Variants in CPAMD8 observed in about 807,000 individuals in gnomAD.
CPAMD8 encodes the protein C3 and PZP-like alpha-2-macroglobulin domain-containing protein 8.
Under a neutral mutation model 224.7 loss-of-function variants are expected in CPAMD8, and 146 were observed. The observed-to-expected ratio is 0.65, with a 90% CI of 0.57 to 0.75. The LOEUF (loss-of-function observed/expected upper bound fraction) is 0.75. Ranked by LOEUF, CPAMD8 falls within the 30% of genes least tolerant of loss-of-function variation. CPAMD8 has a pLI of 0.00. For synonymous variants in CPAMD8, 966 were observed against 1,044.6 expected, an observed-to-expected ratio of 0.92 and a Z score of 1.45; for missense variants, 2,301 against 2,537.5, an observed-to-expected ratio of 0.91 and a Z score of 2.00.
intron 20 of CPAMD8, among the ~76,000 whole-genome samples, chr19:16,951,718 G>T (rs150208416): frequency 6.6e-6 from 1 of 152,000 alleles, no homozygotes; most frequent in South Asian, 2.1e-4. Context: ...CTCCTCACCC[G>T]GCTTTGACGG....
chr19:16,898,605 TCACTCCC>T lies in CPAMD8; in HGVS notation c.4849-618_4849-612del, dbSNP rs2052128707. Among the ~76,000 whole-genome samples, 1 of 151,996 alleles carries T rather than the reference TCACTCCC, an allele frequency of 6.6e-6. No homozygotes were observed. The highest frequency in any genetic ancestry group is 1.5e-5 in the Non-Finnish European group (1 of 67,976). ...AAAGAAACCCCATCGCCATCAGCAC[TCACTCCC>T]CACTCCCCCAGCCCCTGGCAACCAC... On this transcript the variant is annotated intron_variant, in intron 37 of 41. Transcript: ENST00000443236. The surrounding 1 kb of genome is among the most constrained non-coding windows in gnomAD (Gnocchi z 4.2).
chr19:16,940,588 A>G (rs1383929971), intron 22 of CPAMD8, among the ~76,000 whole-genome samples: 1 of 152,146 alleles, frequency 6.6e-6, no homozygotes, highest in Non-Finnish European at 1.5e-5. Context: ...ACCTACTTTC[A>G]TTACAAAGCT....
At chr19:17,015,564 C>T (rs578188301) in intron 3 of CPAMD8, among the ~76,000 whole-genome samples, 5 of 152,292 alleles carry the variant, frequency 3.3e-5, no homozygotes, top group South Asian at 4.1e-4. Context: ...CTACCTGCCA[C>T]CCGCAGGACC....
At position 16,903,757 on chromosome 19, in the gene CPAMD8, T is replaced by C; in HGVS notation, c.4352A>G (p.Tyr1451Cys). 6.2e-7 allele frequency: 1 copy of C among 1,614,108 alleles called. No individual in the cohort carries two copies. Among genetic ancestry groups the C allele is most frequent in the South Asian group, 1.1e-5 (1 of 91,078 alleles). The change falls in exon 33 of 42, where the codon TAC (tyrosine) becomes TGC (cysteine). Residue 1451 changes from tyrosine to cysteine, a missense_variant. Tyr to Cys is a radical substitution (Grantham distance 194). Around this residue, in one of 4 missense-constraint regions of CPAMD8, gnomAD observed 1,709 missense variants for 1,753.2 expected, o/e 0.97. Transcript: ENST00000443236. The part of the protein sequence containing the change: ...TVSLASTNLD[Y>C]QETFELHRTN... ...CCTGTGCAGCTCGAAGGTTTCCTGG[T>C]AGTCCAGGTTGGTGGAGGCCAGGGA...
Position 16,896,461 on chromosome 19 carries a change from G to A in CPAMD8, c.5270C>T (p.Ala1757Val). Residue 1757 changes from alanine (A) to valine (V), a missense_variant, in exon 40 of 42, where the codon GCC becomes GTC. Ala to Val is a moderately conservative substitution (Grantham distance 64). This residue lies in a region of CPAMD8 where 1,709 missense variants were observed against 1,753.2 expected (regional missense o/e 0.97). Coordinates refer to ENST00000443236, the MANE Select transcript of CPAMD8 (RefSeq NM_015692.5). ...GCGGGGGGTAGGGTCCTCACCGAGG[G>A]CGCAGCAGCTGGGAGGCGCGGGCTC... is the stretch of plus-strand genomic sequence containing the variant. ...PLEPAPPSCCALEQRLPASSS... is the reference protein window; with the variant it reads ...PLEPAPPSCCVLEQRLPASSS... The A allele has an allele frequency of 6.9e-7, 1 of 1,447,972 alleles. No homozygotes were observed. The highest frequency in any genetic ancestry group is 9.0e-7 in the Non-Finnish European group (1 of 1,107,986). 89.7% of individuals were successfully genotyped at this position (1,447,972 alleles called of 1,614,324 possible).
chr19:16,931,303 C>T (rs2053538915), intron 23 of CPAMD8, among the ~76,000 whole-genome samples: 1 of 152,206 alleles, frequency 6.6e-6, no homozygotes, highest in South Asian at 2.1e-4. Flanking sequence ...GGCCTTGAGA[C>T]TCCCAGCCTA....
chr19:16,997,663 C>T (rs1455428483), intron 10 of CPAMD8, among the ~76,000 whole-genome samples: 1 of 151,924 alleles, frequency 6.6e-6, no homozygotes, highest in East Asian at 1.9e-4. Flanking sequence ...TCAGTCTAGC[C>T]AACATGGCGA....
intron 15 of CPAMD8, among the ~76,000 whole-genome samples, chr19:16,976,619 G>A (rs1029173479): frequency 3.9e-5 from 6 of 152,162 alleles, no homozygotes; most frequent in African/African-American, 1.4e-4. Context: ...CGCTACCTGG[G>A]TGAAACTGGT....
chr19:16,993,407 C>G lies in CPAMD8; in HGVS notation c.1266+9G>C. ...GGCTGAATAACAAGGGTCCACGGGA[C>G]TCACCCACCTCCAGCCACACGTGCT... is the stretch of plus-strand genomic sequence containing the variant. On this transcript the variant is annotated intron_variant, in intron 12 of 41. Transcript: ENST00000443236. 6.2e-7 allele frequency: 1 copy of G among 1,610,154 alleles called. No individual in the cohort carries two copies. Among genetic ancestry groups the G allele is most frequent in the African/African-American group, 1.3e-5 (1 of 74,974 alleles).
rs1234420210 is a variant in CPAMD8, at chr19:16,896,525, G to A, written c.5206C>T (p.Arg1736Cys). Residue 1736 changes from arginine to cysteine, a missense_variant, in exon 40 of 42, where the codon CGC becomes TGC. Physicochemically the swap from Arg to Cys is radical, Grantham distance 180. Transcript: ENST00000443236. ...SDGVVYASAC[R>C]LREAACRQAA... is the part of the protein sequence containing the mutation. ...TGGCGGCAGGCGGCCTCCCGCAGGC[G>A]GCAGGCGCTGGCGTAGACCACCCCG... is the stretch of plus-strand genomic sequence containing the variant. 5.5e-6 allele frequency: 8 copies of A among 1,443,784 alleles called. No individual in the cohort carries two copies. Among genetic ancestry groups the A allele is most frequent in the Admixed American group, 2.9e-5 (1 of 34,678 alleles). 89.4% of individuals were successfully genotyped at this position (1,443,784 alleles called of 1,614,324 possible).
At chr19:16,933,921 G>A (rs1312494693) in intron 23 of CPAMD8, among the ~76,000 whole-genome samples, 1 of 152,108 alleles carries the variant, frequency 6.6e-6, no homozygotes, top group Non-Finnish European at 1.5e-5. Context: ...CTCCCAAACT[G>A]GAAACAGCTT....
At chr19:16,894,921 A>AACACAC (rs3032709) in intron 41 of CPAMD8, 9,630 of 151,570 alleles carry the variant, frequency 0.064, 390 homozygotes, top group African/African-American at 0.1. Flanking sequence ...CCATCTCTAC[A>AACACAC]ACACACACAC....
intron 13 of CPAMD8, among the ~76,000 whole-genome samples, chr19:16,981,797 A>G (rs1234423010): frequency 6.6e-6 from 1 of 152,154 alleles, no homozygotes; most frequent in Admixed American, 6.5e-5. Context: ...GAAGAGTGAC[A>G]TTCTTGCCGT....
chr19:16,899,685 G>A lies in CPAMD8; in HGVS notation c.4774-136C>T. On this transcript the variant is annotated intron_variant, in intron 36 of 41. Coordinates refer to ENST00000443236, the MANE Select transcript of CPAMD8 (RefSeq NM_015692.5). This position sits in a 1 kb window ranked among gnomAD's most constrained non-coding sequence, Gnocchi z 5.4. ...GGCTGGGGTCTGGGTGCTGGTCAGT[G>A]CTCCCCAGGCCCTGCCAGCCTCTCA... 3 of 631,460 alleles carry A rather than the reference G, an allele frequency of 4.8e-6. No individual in the cohort carries two copies. Among genetic ancestry groups the A allele is most frequent in the Non-Finnish European group, 8.7e-6 (3 of 343,784 alleles). The allele number at this position is 631,460 out of a possible 1,614,324, so 39.1% of individuals were successfully genotyped here.
At chr19:16,989,605 C>T in intron 13 of CPAMD8, 38 bp downstream of exon 13, 2 of 1,598,580 alleles carry the variant, frequency 1.3e-6, no homozygotes, top group South Asian at 1.1e-5. Flanking sequence ...TTTTTGGATC[C>T]CGCATGGCCC....
rs1415942930 is a variant in CPAMD8, at chr19:17,026,635, C to T, written c.8G>A (p.Gly3Asp). ...CGGGAGCAACGGCCAGAGCAGGGCG[C>T]CGCTCATTTTTCGGCTCCTGGGGGG... MS[G>D]ALLWPLLPLL... The change falls in exon 1 of 42, where the codon GGC becomes GAC. Residue 3 changes from glycine (G) to aspartate (D), a missense_variant. Physicochemically the swap from Gly to Asp is moderately conservative, Grantham distance 94. Coordinates refer to ENST00000443236, the MANE Select transcript of CPAMD8 (RefSeq NM_015692.5). 2 of 1,457,976 alleles carry T rather than the reference C, an allele frequency of 1.4e-6. No individual in the cohort carries two copies. Among genetic ancestry groups the T allele is most frequent in the East Asian group, 5.9e-5 (2 of 33,750 alleles). The allele number at this position is 1,457,976 out of a possible 1,614,324, so 90.3% of individuals were successfully genotyped here.
In CPAMD8 at chr19:16,914,523, C is replaced by T. The variant is rs767178412; in HGVS notation, c.3787-25G>A. The T allele has an allele frequency of 2.5e-6, 4 of 1,613,100 alleles. No homozygotes were observed. In the East Asian group the frequency reaches 6.7e-5, roughly 27 times the overall value. ...CCTGCAAGGGGACTCACAGGCCTCA[C>T]CCTAAGCCAAAGGAGACAGTCCACT... On this transcript the variant is annotated intron_variant, in intron 28 of 41. Transcript: ENST00000443236.
chr19:17,022,381 A>G lies in CPAMD8; in HGVS notation c.93-200T>C, dbSNP rs76598107. On this transcript the variant is annotated intron_variant, in intron 1 of 41. Transcript: ENST00000443236. ...TGGCTCTTTCACCTGTGAAGTCCCC[A>G]TGCTGGGTAAGAATCTGGCCTCACT... Among the ~76,000 whole-genome samples the G allele has an allele frequency of 0.11, 17,320 of 152,066 alleles. 1,247 individuals are homozygous for G. The highest frequency in any genetic ancestry group is 0.12 in the Non-Finnish European group (8,404 of 67,974).
Position 16,898,263 on chromosome 19 carries a change from G to T in CPAMD8, c.4849-269C>A, listed in dbSNP as rs1359977513. On this transcript the variant is annotated intron_variant, in intron 37 of 41. Transcript: ENST00000443236. This position sits in a 1 kb window ranked among gnomAD's most constrained non-coding sequence, Gnocchi z 4.2. ...GGGTTCAAATGATTCTCCTGCCTCA[G>T]CCTCCCAAGTAGCTGGGATAACAGG... Among the ~76,000 whole-genome samples, 1 of 150,688 alleles carries T rather than the reference G, an allele frequency of 6.6e-6. No homozygotes were observed. The highest frequency in any genetic ancestry group is 2.4e-5 in the African/African-American group (1 of 40,920).
Sources: allele counts gnomAD v4.1 joint callset (sites outside exome capture counted in the v4.1 genomes callset), GRCh38; gene constraint gnomAD v4.1.1; regional missense constraint gnomAD v4.1.1; non-coding constraint Gnocchi (gnomAD v3.1); transcripts MANE v1.5; gene names NCBI Gene and HGNC (gene_info 2026-07-23, HGNC 2026-07-21).